The following CRACDL variants were observed in gnomAD, a reference collection of about 807,000 sequenced individuals.
CRACDL encodes the protein CRACD like.
In CRACDL, 26 loss-of-function variants were observed where a neutral mutation model predicts 70.6. That is an observed-to-expected ratio of 0.37 (90% CI 0.27 to 0.51). The LOEUF (loss-of-function observed/expected upper bound fraction) is 0.51. Among genes scored for constraint, CRACDL ranks in the 20% least tolerant of loss-of-function variants. CRACDL has a pLI of 0.94. For synonymous variants in CRACDL, 618 were observed against 615.2 expected, an observed-to-expected ratio of 1.00 and a Z score of -0.07; for missense variants, 1,283 against 1,376.9, an observed-to-expected ratio of 0.93 and a Z score of 1.08.
chr2:98,912,349 C>T (rs1332029137), intron 1 of CRACDL, among the ~76,000 whole-genome samples: 1 of 152,184 alleles, frequency 6.6e-6, no homozygotes, highest in Non-Finnish European at 1.5e-5. Flanking sequence ...AGGCACTGAG[C>T]CAGCCGTCTC....
chr2:98,836,975 CT>C, intron 3 of CRACDL, among the ~76,000 whole-genome samples: 1 of 151,858 alleles, frequency 6.6e-6, no homozygotes, highest in East Asian at 1.9e-4. Context: ...GTCCCAGCTA[CT>C]CGGGAGGCTG....
chr2:98,860,866 T>C (rs901253179), intron 1 of CRACDL, among the ~76,000 whole-genome samples: 1 of 152,168 alleles, frequency 6.6e-6, no homozygotes, highest in Non-Finnish European at 1.5e-5. Context: ...TGATACAGGA[T>C]TGGTATGCAG....
intron 1 of CRACDL, chr2:98,869,238 T>G: frequency 7.8e-7 from 1 of 1,287,614 alleles, no homozygotes; most frequent in Non-Finnish European, 1.0e-6. Context: ...TGGTTGCTGA[T>G]CAAGAGCCCT....
intron 1 of CRACDL, among the ~76,000 whole-genome samples, chr2:98,870,260 C>T (rs1366789373): frequency 6.6e-6 from 1 of 152,192 alleles, no homozygotes; most frequent in African/African-American, 2.4e-5. Context: ...GAACAGGCAG[C>T]AGCAAGGGCA....
In CRACDL at chr2:98,823,374, G is replaced by A. The variant is rs1475213909; in HGVS notation, c.899C>T (p.Pro300Leu). Residue 300 changes from proline to leucine, a missense_variant, in exon 7 of 10, where the codon CCG becomes CTG. By Grantham distance (98) the Pro-to-Leu change is moderately conservative. Coordinates refer to ENST00000397899, the MANE Select transcript of CRACDL (RefSeq NM_207362.3). The surrounding 1 kb of genome is among the most constrained non-coding windows in gnomAD (Gnocchi z 4.0). The part of the protein sequence containing the change: ...GPEPGPPAPL[P>L]PPGGARARRA... ...TCTGGCACGGGCCCCTCCGGGTGGC[G>A]GCAAGGGCGCCGGTGGCCCAGGCTC... 3 of 1,533,462 alleles carry A rather than the reference G, an allele frequency of 2.0e-6. No homozygotes were observed. The highest frequency in any genetic ancestry group is 2.6e-6 in the Non-Finnish European group (3 of 1,147,534). The allele number at this position is 1,533,462 out of a possible 1,614,324, so 95.0% of individuals were successfully genotyped here.
At chr2:98,916,805 G>A (rs1433240677) in intron 1 of CRACDL, among the ~76,000 whole-genome samples, 1 of 152,304 alleles carries the variant, frequency 6.6e-6, no homozygotes, top group Middle Eastern at 3.4e-3. Context: ...GAGTCCCTGA[G>A]TGGGGGCATG....
chr2:98,838,250 AAACTTCT>A lies in CRACDL; in HGVS notation c.101_107del (p.Lys34IlefsTer91). 1 of 1,610,928 alleles carries A rather than the reference AAACTTCT, an allele frequency of 6.2e-7. No individual in the cohort carries two copies. The highest frequency in any genetic ancestry group is 8.5e-7 in the Non-Finnish European group (1 of 1,178,032). On this transcript the variant is annotated frameshift_variant, in exon 3 of 10. Coordinates refer to ENST00000397899, the MANE Select transcript of CRACDL (RefSeq NM_207362.3). LOFTEE classifies it high-confidence loss of function. ...ATTCTTTTCTCTTCTTCTTCCCAAA[AAACTTCT>A]TAAAAGTTTTGAATTTAGATTTTTT... is the stretch of plus-strand genomic sequence containing the variant.
intron 1 of CRACDL, among the ~76,000 whole-genome samples, chr2:98,916,850 C>A (rs1406280094): frequency 6.6e-6 from 1 of 152,204 alleles, no homozygotes; most frequent in African/African-American, 2.4e-5. Flanking sequence ...TTGCCCTGAG[C>A]AAGAGCCTAC....
At chr2:98,859,972 A>T (rs1390812392) in intron 1 of CRACDL, among the ~76,000 whole-genome samples, 1 of 152,230 alleles carries the variant, frequency 6.6e-6, no homozygotes, top group Non-Finnish European at 1.5e-5. Flanking sequence ...TAAGACCAAT[A>T]CAAAAATAAA....
At chr2:98,802,299 A>G (rs1334534418) in intron 7 of CRACDL, among the ~76,000 whole-genome samples, 6 of 152,258 alleles carry the variant, frequency 3.9e-5, no homozygotes, top group Non-Finnish European at 8.8e-5. Context: ...TCTCTCCTCC[A>G]TGCACACGCT....
chr2:98,832,056 A>T (rs1705564833), intron 5 of CRACDL, among the ~76,000 whole-genome samples: 1 of 152,220 alleles, frequency 6.6e-6, no homozygotes, highest in Non-Finnish European at 1.5e-5. Context: ...GGGTCTGGTC[A>T]TCTGCTCAGA....
intron 7 of CRACDL, among the ~76,000 whole-genome samples, chr2:98,818,121 T>C (rs1704865122): frequency 6.6e-6 from 1 of 152,184 alleles, no homozygotes; most frequent in Non-Finnish European, 1.5e-5. Flanking sequence ...GGAGGATGCA[T>C]AATGTTCTGC....
At position 98,823,713 on chromosome 2, in the gene CRACDL, T is replaced by C. The variant is rs369916814; in HGVS notation, c.736-176A>G. 3.3e-5 allele frequency among the ~76,000 whole-genome samples: 5 copies of C among 152,344 alleles called. No individual in the cohort carries two copies. Among genetic ancestry groups the C allele is most frequent in the South Asian group, 2.1e-4 (1 of 4,834 alleles). ...CTCAGTCTGTATCCTACTGGTCTAC[T>C]TGGGCTCACAAGTTTATCAGGACAA... On this transcript the variant is annotated intron_variant, in intron 6 of 9. Coordinates refer to ENST00000397899, the MANE Select transcript of CRACDL (RefSeq NM_207362.3). This position sits in a 1 kb window ranked among gnomAD's most constrained non-coding sequence, Gnocchi z 4.0.
intron 1 of CRACDL, among the ~76,000 whole-genome samples, chr2:98,856,573 G>A (rs910708204): frequency 1.5e-4 from 23 of 152,270 alleles, no homozygotes; most frequent in Middle Eastern, 3.4e-3. Context: ...CAGTGTAATT[G>A]AATATTTCTT....
chr2:98,797,287 G>A (rs1703864356), intron 8 of CRACDL, 63 bp downstream of exon 8: 2 of 1,513,080 alleles, frequency 1.3e-6, no homozygotes, highest in East Asian at 2.3e-5. Context: ...CAGGGTCCTC[G>A]CCCCAGTCCC....
chr2:98,842,212 TTACCATTCTATGG>T (rs1200898613), intron 2 of CRACDL, among the ~76,000 whole-genome samples: 1 of 152,044 alleles, frequency 6.6e-6, no homozygotes, highest in Non-Finnish European at 1.5e-5. Flanking sequence ...TTCCATCTTT[TTACCATTCTATGG>T]TACATTTTGC....
Position 98,822,459 on chromosome 2 carries a change from G to C in CRACDL, c.1814C>G (p.Pro605Arg). The change falls in exon 7 of 10, where the codon CCG (proline) becomes CGG (arginine). Residue 605 changes from proline to arginine, a missense_variant. Physicochemically the swap from Pro to Arg is moderately radical, Grantham distance 103. Coordinates refer to ENST00000397899, the MANE Select transcript of CRACDL (RefSeq NM_207362.3). The surrounding 1 kb of genome is among the most constrained non-coding windows in gnomAD (Gnocchi z 4.9). ...AAGAGCCGCCTCGCTCCTCCAGACC[G>C]GGCCGCTCCTCGCGAGGGGCAGGCG... ...SGRLPLARSG[P>R]VWRSEAALDD... is the part of the protein sequence containing the mutation. The C allele has an allele frequency of 1.4e-6, 2 of 1,477,530 alleles. No individual in the cohort carries two copies. The highest frequency in any genetic ancestry group is 1.8e-6 in the Non-Finnish European group (2 of 1,122,274). The allele number at this position is 1,477,530 out of a possible 1,614,324, so 91.5% of individuals were successfully genotyped here. A position where few individuals can be genotyped will look rare whatever the true frequency, so the allele number is the denominator to read the frequency against.
chr2:98,835,456 A>C (rs910312222), intron 3 of CRACDL, among the ~76,000 whole-genome samples: 2 of 152,284 alleles, frequency 1.3e-5, no homozygotes, highest in Admixed American at 6.5e-5. Context: ...AAGCCATCAA[A>C]GATGAATGGG....
chr2:98,840,464 C>T (rs1025924131), intron 2 of CRACDL, among the ~76,000 whole-genome samples: 1 of 152,072 alleles, frequency 6.6e-6, no homozygotes, highest in Non-Finnish European at 1.5e-5. Context: ...GAAAATAATG[C>T]ATTTTCTTCA....
Sources: gnomAD v4.1 joint callset for allele counts (sites outside exome capture counted in the v4.1 genomes callset) on GRCh38, gnomAD v4.1.1 for gene constraint, Gnocchi (gnomAD v3.1) non-coding constraint, MANE v1.5 for transcripts, NCBI Gene and HGNC (gene_info 2026-07-23, HGNC 2026-07-21) for gene names.